Variants in KLHDC10 observed in about 807,000 individuals in gnomAD.
KLHDC10 encodes kelch domain containing 10, also known as kelch domain-containing protein 10.
In KLHDC10, 24 loss-of-function variants were observed where a neutral mutation model predicts 56.1. The ratio of observed to expected loss-of-function variants is 0.43; its 90% CI spans 0.31 to 0.60. The LOEUF (loss-of-function observed/expected upper bound fraction) is 0.60, where lower values mean the gene tolerates loss of function less well. Ranked by LOEUF, KLHDC10 falls within the 20% of genes least tolerant of loss-of-function variation. KLHDC10 has a pLI of 0.11. For missense variants in KLHDC10, 349 were observed against 567.0 expected (o/e 0.62, Z 3.91); for synonymous variants, 188 against 207.1 (o/e 0.91, Z 0.79).
chr7:130,093,559 G>A (rs903032028), intron 1 of KLHDC10, among the ~76,000 whole-genome samples: 5 of 152,066 alleles, frequency 3.3e-5, no homozygotes, highest in Admixed American at 1.3e-4. Context: ...AAGCTATCAC[G>A]TAGGAAGGTT....
At chr7:130,091,630 T>G (rs531604034) in intron 1 of KLHDC10, among the ~76,000 whole-genome samples, 15 of 152,346 alleles carry the variant, frequency 9.8e-5, no homozygotes, top group Middle Eastern at 6.8e-3. Context: ...AGACAGATAC[T>G]TTAATGTTCT....
chr7:130,125,838 G>C, intron 6 of KLHDC10, 27 bp from the exon 7 acceptor site: 1 of 1,520,980 alleles, frequency 6.6e-7, no homozygotes, highest in South Asian at 1.2e-5. Flanking sequence ...ATTTATGTAT[G>C]TGTATATGTT....
At position 130,116,594 on chromosome 7, in the gene KLHDC10, C is replaced by A; in HGVS notation, c.403C>A (p.His135Asn). Residue 135 changes from histidine to asparagine, a missense_variant, in exon 3 of 10, where the codon CAT becomes AAT. His to Asn is a moderately conservative substitution (Grantham distance 68). Around this residue, in one of 2 missense-constraint regions of KLHDC10, gnomAD observed 245 missense variants for 470.1 expected, o/e 0.52. Transcript: ENST00000335420. This position sits in a 1 kb window ranked among gnomAD's most constrained non-coding sequence, Gnocchi z 4.8. The part of the protein sequence containing the change: ...YPLFRELWRY[H>N]FATGVWHQMG... ...TCTCTTCAGGGAACTCTGGAGGTAT[C>A]ATTTTGCTACAGGAGTATGGCACCA... The A allele has an allele frequency of 6.2e-7, 1 of 1,614,152 alleles. No homozygotes were observed. Among genetic ancestry groups the A allele is most frequent in the Non-Finnish European group, 8.5e-7 (1 of 1,180,024 alleles).
At position 130,130,473 on chromosome 7, in the gene KLHDC10, A is replaced by T; in HGVS notation, c.1120-64A>T. On this transcript the variant is annotated intron_variant, in intron 9 of 9. Transcript: ENST00000335420. This position sits in a 1 kb window ranked among gnomAD's most constrained non-coding sequence, Gnocchi z 4.2. ...ATTCCATCTACTATGCTTTTTCCCCACTGAGTCTTCAGCCTTGTATGTTTC... is the reference window on the plus strand; with the variant it reads ...ATTCCATCTACTATGCTTTTTCCCCTCTGAGTCTTCAGCCTTGTATGTTTC... 1 of 1,321,656 alleles carries T rather than the reference A, an allele frequency of 7.6e-7. No homozygotes were observed. 81.9% of individuals were successfully genotyped at this position (1,321,656 alleles called of 1,614,324 possible).
intron 7 of KLHDC10, among the ~76,000 whole-genome samples, chr7:130,126,824 A>G (rs1796322261): frequency 6.6e-6 from 1 of 152,096 alleles, no homozygotes; most frequent in African/African-American, 2.4e-5. Flanking sequence ...ATTGGAGCCT[A>G]AATAAAGATC....
intron 1 of KLHDC10, among the ~76,000 whole-genome samples, chr7:130,096,665 A>G (rs1299821777): frequency 1.3e-5 from 2 of 152,214 alleles, no homozygotes; most frequent in Non-Finnish European, 2.9e-5. Context: ...TGCACATGCT[A>G]TTGAACCAGA....
chr7:130,098,311 G>A (rs562462575), intron 2 of KLHDC10, among the ~76,000 whole-genome samples: 84 of 152,040 alleles, frequency 5.5e-4, no homozygotes, highest in African/African-American at 1.7e-3. Context: ...AGGACAACAC[G>A]GTGAAACCCT....
At position 130,121,938 on chromosome 7, in the gene KLHDC10, A is replaced by T. The variant is rs907538197; in HGVS notation, c.631-116A>T. ...TATTCTTTTAAGAGTCTGATACATT[A>T]AAAGATTAAAATACAAGAGAATTTC... is the stretch of plus-strand genomic sequence containing the variant. On this transcript the variant is annotated intron_variant, in intron 4 of 9. Transcript: ENST00000335420. The T allele has an allele frequency of 5.8e-6, 5 of 861,240 alleles. No individual in the cohort carries two copies. The African/African-American group carries it at 6.9e-5, about 12-fold the overall frequency. 53.3% of individuals were successfully genotyped at this position (861,240 alleles called of 1,614,324 possible).
intron 2 of KLHDC10, among the ~76,000 whole-genome samples, chr7:130,098,453 A>G (rs776295655): frequency 1.2e-4 from 18 of 152,190 alleles, no homozygotes; most frequent in Non-Finnish European, 2.4e-4. Context: ...TGATTGTGCC[A>G]CTGCATTCCA....
At chr7:130,101,969 T>TAAAAA (rs10579051) in intron 2 of KLHDC10, among the ~76,000 whole-genome samples, 4 of 73,730 alleles carry the variant, frequency 5.4e-5, no homozygotes, top group East Asian at 4.3e-4. Flanking sequence ...GACTCCCTCT[T>TAAAAA]AAAAAAAAAA....
chr7:130,106,639 A>G (rs771043306), intron 2 of KLHDC10, among the ~76,000 whole-genome samples: 28 of 152,264 alleles, frequency 1.8e-4, no homozygotes, highest in Non-Finnish European at 1.9e-4. Flanking sequence ...CAATGCATCC[A>G]GTACCCTTAT....
chr7:130,075,658 A>G (rs1041929598), intron 1 of KLHDC10, among the ~76,000 whole-genome samples: 2 of 152,130 alleles, frequency 1.3e-5, no homozygotes, highest in Admixed American at 6.6e-5. Context: ...CACATGAGAG[A>G]GTCTTTCTTT....
chr7:130,081,475 C>T (rs1039208595), intron 1 of KLHDC10, among the ~76,000 whole-genome samples: 7 of 152,014 alleles, frequency 4.6e-5, no homozygotes, highest in Non-Finnish European at 1.0e-4. Flanking sequence ...CACGCTGCCA[C>T]GCCCCACTAA....
intron 1 of KLHDC10, among the ~76,000 whole-genome samples, chr7:130,077,555 CTTTTTTT>C (rs1374918216): frequency 9.3e-6 from 1 of 108,102 alleles, no homozygotes; most frequent in South Asian, 3.2e-4. Flanking sequence ...CTTTTTCTTT[CTTTTTTT>C]TTTTTTTTTT....
At position 130,127,356 on chromosome 7, in the gene KLHDC10, C is replaced by T. The variant is rs149243190; in HGVS notation, c.932-48C>T. The T allele has an allele frequency of 5.2e-3, 7,913 of 1,511,446 alleles. 123 individuals carry two copies. The highest frequency in any genetic ancestry group is 0.037 in the South Asian group (3,256 of 88,716). 93.6% of individuals were successfully genotyped at this position (1,511,446 alleles called of 1,614,324 possible). ...TCACTGTGTTATATCAGTGTGGTTC[C>T]CAGTCTTTCTGTAAGTAATGGAACT... On this transcript the variant is annotated intron_variant, in intron 7 of 9. Coordinates refer to ENST00000335420, the MANE Select transcript of KLHDC10 (RefSeq NM_014997.4).
At chr7:130,095,004 T>G (rs1270806874) in intron 1 of KLHDC10, 3 of 152,132 alleles carry the variant, frequency 2.0e-5, no homozygotes, top group South Asian at 2.1e-4. Context: ...TATTCTGTCT[T>G]GTATTGCTAA....
intron 2 of KLHDC10, among the ~76,000 whole-genome samples, chr7:130,104,216 T>C (rs1356131660): frequency 1.3e-5 from 2 of 152,220 alleles, no homozygotes; most frequent in African/African-American, 4.8e-5. Flanking sequence ...AAGGAGGAGT[T>C]GGGCTTGCTG....
At chr7:130,078,808 G>A (rs1367652338) in intron 1 of KLHDC10, among the ~76,000 whole-genome samples, 12 of 152,148 alleles carry the variant, frequency 7.9e-5, no homozygotes, top group African/African-American at 2.4e-4. Flanking sequence ...GTGAGCCACC[G>A]CGCCTGGCCC....
rs905442414 is a variant in KLHDC10 at position 130,134,143 on chromosome 7, A to G, written c.*3397A>G. The G allele has an allele frequency of 1.2e-4, 19 of 152,242 alleles. No homozygotes were observed. Among genetic ancestry groups the G allele is most frequent in the African/African-American group, 4.3e-4 (18 of 41,464 alleles). 9.4% of individuals were successfully genotyped at this position (152,242 alleles called of 1,614,324 possible). On this transcript the variant is annotated 3_prime_UTR_variant, in exon 10 of 10. Transcript: ENST00000335420. ...TGAATCAACTTTCCTACCAAACAAT[A>G]GATTCATTTACATTTCTTTTTCCTC... is the stretch of plus-strand genomic sequence containing the variant.
Sources: gnomAD v4.1 joint callset for allele counts (sites outside exome capture counted in the v4.1 genomes callset) on GRCh38, gnomAD v4.1.1 for gene constraint, gnomAD v4.1.1 regional missense constraint, Gnocchi (gnomAD v3.1) non-coding constraint, MANE v1.5 for transcripts, NCBI Gene and HGNC (gene_info 2026-07-23, HGNC 2026-07-21) for gene names.